AKAP13: variants seen among roughly 807,000 people sequenced by gnomAD.
AKAP13 encodes the protein A-kinase anchoring protein 13.
AKAP13 carries 80 observed loss-of-function variants against 264.5 expected under a neutral mutation model. The observed-to-expected ratio is 0.30, with a 90% CI of 0.25 to 0.36. The LOEUF (loss-of-function observed/expected upper bound fraction) is 0.36, where lower values mean the gene tolerates loss of function less well. AKAP13 is among the 10% of genes least tolerant of loss of function. The probability of loss-of-function intolerance (pLI) is 1.00; values close to 1 mark genes in which losing one functional copy is unlikely to be tolerated. For synonymous variants in AKAP13, 1,380 were observed against 1,250.2 expected (o/e 1.10, Z -2.19); for missense variants, 3,712 against 3,435.2 (o/e 1.08, Z -2.01).
At chr15:85,393,732 A>G (rs1174038636) in intron 1 of AKAP13, among the ~76,000 whole-genome samples, 5 of 152,054 alleles carry the variant, frequency 3.3e-5, no homozygotes, top group Non-Finnish European at 7.3e-5. Context: ...GCTTCTCTCA[A>G]GTCAATGAAC....
chr15:85,402,107 A>G (rs1313579709), intron 1 of AKAP13, among the ~76,000 whole-genome samples: 1 of 152,184 alleles, frequency 6.6e-6, no homozygotes. Context: ...AAACTGTATC[A>G]GGTTTTTGTT....
At chr15:85,701,417 G>A (rs189340723) in intron 17 of AKAP13, among the ~76,000 whole-genome samples, 1 of 152,040 alleles carries the variant, frequency 6.6e-6, no homozygotes, top group Non-Finnish European at 1.5e-5. Flanking sequence ...AGGAAAAAGA[G>A]TTAACATATT....
intron 16 of AKAP13, among the ~76,000 whole-genome samples, chr15:85,685,651 G>GC (rs1203889124): frequency 6.6e-6 from 1 of 152,104 alleles, no homozygotes. Context: ...GTGCCATCGT[G>GC]CTGAGCTATG....
rs552657590 is a variant in AKAP13 at position 85,428,282 on chromosome 15, C to T, written c.-12+47484C>T. On this transcript the variant is annotated intron_variant, in intron 1 of 36. Transcript: ENST00000394518. ...TGGTGCGATCTTGGCTCACCGCAAC[C>T]TCCGCCTCCTGGGTTCAAGTGATTC... Among the ~76,000 whole-genome samples, 13 of 152,340 alleles carry T rather than the reference C, an allele frequency of 8.5e-5. No individual in the cohort carries two copies. The South Asian group carries it at 2.5e-3, about 29-fold the overall frequency.
rs200186760 is a variant in AKAP13 at position 85,727,296 on chromosome 15, G to A, written c.7004+49G>A. 1.9e-6 allele frequency: 3 copies of A among 1,612,986 alleles called. No homozygotes were observed. Among genetic ancestry groups the A allele is most frequent in the African/African-American group, 2.7e-5 (2 of 74,884 alleles). Reference sequence around the variant, plus strand: ...CCTTCCCAGCCCTCCTGATGTCTCTGTGTGATTTCATAACAGGCTGGACTG... The same window carrying A: ...CCTTCCCAGCCCTCCTGATGTCTCTATGTGATTTCATAACAGGCTGGACTG... On this transcript the variant is annotated intron_variant, in intron 28 of 36. Transcript: ENST00000394518. The surrounding 1 kb of genome is among the most constrained non-coding windows in gnomAD (Gnocchi z 5.3).
intron 2 of AKAP13, among the ~76,000 whole-genome samples, chr15:85,487,062 A>G (rs1011364180): frequency 6.6e-6 from 1 of 152,140 alleles, no homozygotes; most frequent in Admixed American, 6.5e-5. Context: ...TTCATTGCTT[A>G]TATATAGAAA....
At chr15:85,550,967 A>G (rs543390366) in intron 5 of AKAP13, among the ~76,000 whole-genome samples, 38 of 152,300 alleles carry the variant, frequency 2.5e-4, no homozygotes, top group Non-Finnish European at 4.6e-4. Flanking sequence ...TTGCGTTTTC[A>G]TTTAAAACCC....
chr15:85,655,339 T>C (rs997426979), intron 10 of AKAP13, 78 bp from the exon 11 acceptor site: 6 of 1,525,700 alleles, frequency 3.9e-6, no homozygotes, highest in Non-Finnish European at 5.3e-6. Context: ...TGAGAAGCCA[T>C]TGGCTTGATC....
At chr15:85,619,930 G>A in intron 8 of AKAP13, 2 of 1,438,480 alleles carry the variant, frequency 1.4e-6, no homozygotes, top group South Asian at 3.0e-5. Flanking sequence ...TTAATTCATT[G>A]TTTTTGACCC....
chr15:85,658,636 C>G lies in AKAP13; in HGVS notation c.4799+46C>G, dbSNP rs763812943. 10 of 1,516,244 alleles carry G rather than the reference C, an allele frequency of 6.6e-6. No homozygotes were observed. In the Admixed American group the frequency reaches 1.2e-4, roughly 18 times the overall value. The allele number at this position is 1,516,244 out of a possible 1,614,324, so 93.9% of individuals were successfully genotyped here. On this transcript the variant is annotated intron_variant, in intron 12 of 36. Coordinates refer to ENST00000394518, the MANE Select transcript of AKAP13 (RefSeq NM_007200.5). Reference sequence around the variant, plus strand: ...ATGGACTAACCATGTCACCTCTGAGCATATACTAACAAGCATCTCATTCTG... The same window carrying G: ...ATGGACTAACCATGTCACCTCTGAGGATATACTAACAAGCATCTCATTCTG...
chr15:85,399,523 T>TAAAAAAAAAAA (rs1367253621), intron 1 of AKAP13, among the ~76,000 whole-genome samples: 4 of 78,028 alleles, frequency 5.1e-5, no homozygotes, highest in Middle Eastern at 5.9e-3. Flanking sequence ...AAAAAAAAAA[T>TAAAAAAAAAAA]AAAAAAATAA....
At chr15:85,709,884 C>T (rs1045007451) in intron 18 of AKAP13, among the ~76,000 whole-genome samples, 11 of 151,960 alleles carry the variant, frequency 7.2e-5, no homozygotes, top group African/African-American at 1.9e-4. Flanking sequence ...GACAGGGTTT[C>T]GCCATGTTGG....
intron 12 of AKAP13, chr15:85,662,377 G>A: frequency 6.2e-7 from 1 of 1,613,920 alleles, no homozygotes; most frequent in Non-Finnish European, 8.5e-7. Context: ...TGTCTTTGAT[G>A]TCATCCCCAG....
At chr15:85,583,145 T>C (rs2079194134) in intron 7 of AKAP13, 7 of 985,482 alleles carry the variant, frequency 7.1e-6, no homozygotes, top group Non-Finnish European at 8.4e-6. Flanking sequence ...ATCTCCATGC[T>C]TGCCCCTAGG....
intron 6 of AKAP13, among the ~76,000 whole-genome samples, chr15:85,576,988 C>G (rs906261855): frequency 6.6e-6 from 1 of 152,122 alleles, no homozygotes; most frequent in Admixed American, 6.5e-5. Context: ...ATAATGTTTA[C>G]CATTTATTAA....
intron 14 of AKAP13, among the ~76,000 whole-genome samples, chr15:85,672,966 A>G (rs531329855): frequency 5.7e-4 from 87 of 152,314 alleles, no homozygotes; most frequent in Non-Finnish European, 1.1e-3. Context: ...TTGTTTAGGA[A>G]CAGAATGTTT....
chr15:85,582,958 A>G (rs1022411828), intron 7 of AKAP13: 58 of 985,488 alleles, frequency 5.9e-5, no homozygotes, highest in Non-Finnish European at 6.6e-5. Context: ...CCGAGGCAGC[A>G]AAGAGAAACC....
chr15:85,665,938 G>A (rs2083570999), intron 13 of AKAP13, among the ~76,000 whole-genome samples: 3 of 152,128 alleles, frequency 2.0e-5, no homozygotes, highest in African/African-American at 7.2e-5. Flanking sequence ...ATGGACATTT[G>A]GGTTGGTTCC....
chr15:85,684,473 A>G, intron 15 of AKAP13: 1 of 271,528 alleles, frequency 3.7e-6, no homozygotes. Flanking sequence ...CTGAGGCAGG[A>G]AGATTGCGTG....
Sources: allele counts gnomAD v4.1 joint callset (sites outside exome capture counted in the v4.1 genomes callset), GRCh38; gene constraint gnomAD v4.1.1; non-coding constraint Gnocchi (gnomAD v3.1); transcripts MANE v1.5; gene names NCBI Gene and HGNC (gene_info 2026-07-23, HGNC 2026-07-21).